ADCYAP1R1: variants seen among roughly 807,000 people sequenced by gnomAD.
The protein encoded by ADCYAP1R1 is pituitary adenylate cyclase-activating polypeptide type I receptor.
ADCYAP1R1 carries 44 observed loss-of-function variants against 67.6 expected under a neutral mutation model. The observed-to-expected ratio is 0.65, with a 90% CI of 0.51 to 0.84. The LOEUF (loss-of-function observed/expected upper bound fraction) is 0.84. ADCYAP1R1 is among the 40% of genes least tolerant of loss of function. The pLI is 0.00. For missense variants in ADCYAP1R1, 477 were observed against 587.9 expected (o/e 0.81, Z 1.95); for synonymous variants, 222 against 219.6 (o/e 1.01, Z -0.10).
chr7:31,067,050 A>T (rs1263879668), intron 3 of ADCYAP1R1, among the ~76,000 whole-genome samples: 4 of 152,206 alleles, frequency 2.6e-5, no homozygotes, highest in Non-Finnish European at 5.9e-5. Flanking sequence ...CTGAGCTGGC[A>T]TCTCTGCAAC....
intron 1 of ADCYAP1R1, among the ~76,000 whole-genome samples, chr7:31,054,478 C>T (rs768850370): frequency 1.3e-5 from 2 of 152,214 alleles, no homozygotes; most frequent in African/African-American, 2.4e-5. Flanking sequence ...GGCCACCTCT[C>T]TCTGTTGTGC....
intron 3 of ADCYAP1R1, among the ~76,000 whole-genome samples, chr7:31,077,429 G>A (rs563070164): frequency 7.2e-6 from 1 of 139,074 alleles, no homozygotes; most frequent in East Asian, 2.1e-4. Flanking sequence ...TGTGTGTGGT[G>A]TATATGTGTG....
intron 13 of ADCYAP1R1, among the ~76,000 whole-genome samples, chr7:31,094,264 G>GT (rs1796092753): frequency 6.6e-6 from 1 of 152,098 alleles, no homozygotes; most frequent in South Asian, 2.1e-4. Context: ...GCCCTGTGGG[G>GT]TGGGGGGCCA....
At chr7:31,066,057 A>T (rs1386402372) in intron 3 of ADCYAP1R1, among the ~76,000 whole-genome samples, 1 of 126,108 alleles carries the variant, frequency 7.9e-6, no homozygotes, top group Non-Finnish European at 1.6e-5. Context: ...TCGGGGCCCC[A>T]CCAGTGAGGG....
chr7:31,090,458 G>T (rs1795920612), intron 12 of ADCYAP1R1, among the ~76,000 whole-genome samples: 1 of 151,530 alleles, frequency 6.6e-6, no homozygotes, highest in African/African-American at 2.4e-5. Context: ...ACATGTGCAG[G>T]TTTGTTACAT....
At chr7:31,092,546 A>G in intron 12 of ADCYAP1R1, 98 bp from the exon 13 acceptor site, 1 of 852,666 alleles carries the variant, frequency 1.2e-6, no homozygotes, top group East Asian at 2.5e-5. Context: ...AGAAGTGTAG[A>G]TGGGATCTTG....
chr7:31,091,589 A>G (rs1562650109), intron 12 of ADCYAP1R1, among the ~76,000 whole-genome samples: 1 of 152,150 alleles, frequency 6.6e-6, no homozygotes, highest in Admixed American at 6.5e-5. Context: ...TAAATTTTGA[A>G]TATGGTGTAA....
At chr7:31,061,176 AG>A (rs1474335044) in intron 1 of ADCYAP1R1, among the ~76,000 whole-genome samples, 2 of 152,230 alleles carry the variant, frequency 1.3e-5, no homozygotes, top group Non-Finnish European at 2.9e-5. Flanking sequence ...CGGAAGGTGC[AG>A]GGAATCGACG....
In ADCYAP1R1 at chr7:31,103,232, G is replaced by A. The variant is rs760991128; in HGVS notation, c.1047-5G>A. Reference sequence around the variant, plus strand: ...CAGAGCAGATGTTTTGCTTTCCTCCGACAGGCGACTGGCCCGGTCCACCCT... The same window carrying A: ...CAGAGCAGATGTTTTGCTTTCCTCCAACAGGCGACTGGCCCGGTCCACCCT... On this transcript the variant is annotated splice_polypyrimidine_tract_variant and splice_region_variant and intron_variant, in intron 13 of 15. Transcript: ENST00000304166. 14 of 1,613,804 alleles carry A rather than the reference G, an allele frequency of 8.7e-6. No individual in the cohort carries two copies. The highest frequency in any genetic ancestry group is 4.5e-5 in the East Asian group (2 of 44,848).
At chr7:31,063,571 C>T (rs1584479839) in intron 2 of ADCYAP1R1, among the ~76,000 whole-genome samples, 1 of 151,876 alleles carries the variant, frequency 6.6e-6, no homozygotes, top group South Asian at 2.1e-4. Context: ...TTGCACAGTA[C>T]ACAACCTGCT....
chr7:31,103,173 C>T (rs1796504181), intron 13 of ADCYAP1R1, 64 bp from the exon 14 acceptor site: 1 of 1,586,054 alleles, frequency 6.3e-7, no homozygotes. Flanking sequence ...GTTCTCTGCC[C>T]TCCGTGGCTC....
intron 13 of ADCYAP1R1, chr7:31,095,710 C>A: frequency 1.4e-6 from 1 of 718,042 alleles, no homozygotes; most frequent in South Asian, 1.5e-5. Flanking sequence ...CCGAGAGGAC[C>A]CCCTGCCTGT....
At chr7:31,097,048 T>C (rs1367699403) in intron 13 of ADCYAP1R1, among the ~76,000 whole-genome samples, 2 of 152,204 alleles carry the variant, frequency 1.3e-5, no homozygotes, top group Admixed American at 1.3e-4. Flanking sequence ...CTGTGCTGGA[T>C]CCCCGGCTGA....
intron 1 of ADCYAP1R1, among the ~76,000 whole-genome samples, chr7:31,058,228 A>G (rs1267031939): frequency 1.3e-5 from 2 of 152,188 alleles, no homozygotes; most frequent in African/African-American, 4.8e-5. Context: ...TGGACAGTAC[A>G]GGGATGGCTG....
At position 31,102,544 on chromosome 7, in the gene ADCYAP1R1, C is replaced by G. The variant is rs1419100083; in HGVS notation, c.1047-693C>G. Among the ~76,000 whole-genome samples, 2 of 152,224 alleles carry G rather than the reference C, an allele frequency of 1.3e-5. No homozygotes were observed. Among genetic ancestry groups the G allele is most frequent in the Non-Finnish European group, 2.9e-5 (2 of 68,040 alleles). ...AGGAGAGCTGCCTCAGGAAGCACTG[C>G]AGTCCTCCGGCCCTTCCTCCCCTGC... On this transcript the variant is annotated intron_variant, in intron 13 of 15. Coordinates refer to ENST00000304166, the MANE Select transcript of ADCYAP1R1 (RefSeq NM_001118.5). The surrounding 1 kb of genome is among the most constrained non-coding windows in gnomAD (Gnocchi z 4.3).
intron 13 of ADCYAP1R1, among the ~76,000 whole-genome samples, chr7:31,098,152 T>C (rs1796281437): frequency 6.6e-6 from 1 of 152,184 alleles, no homozygotes; most frequent in Non-Finnish European, 1.5e-5. Flanking sequence ...TCCACCCGCC[T>C]CGGCCTCCCA....
At chr7:31,069,851 C>T (rs1209591309) in intron 3 of ADCYAP1R1, among the ~76,000 whole-genome samples, 1 of 152,150 alleles carries the variant, frequency 6.6e-6, no homozygotes, top group African/African-American at 2.4e-5. Flanking sequence ...TGGAGCCTGC[C>T]TTGCATTGTT....
chr7:31,063,819 A>T (rs1794614830), intron 2 of ADCYAP1R1, among the ~76,000 whole-genome samples: 1 of 152,212 alleles, frequency 6.6e-6, no homozygotes, highest in South Asian at 2.1e-4. Flanking sequence ...CCTGGGTACC[A>T]GTCCTGCCTC....
intron 7 of ADCYAP1R1, 95 bp from the exon 8 acceptor site, chr7:31,084,642 C>T: frequency 1.0e-6 from 1 of 1,002,672 alleles, no homozygotes. Flanking sequence ...TGGAGGTGGG[C>T]AGGCCCTGGC....
Sources: gnomAD v4.1 joint callset for allele counts (sites outside exome capture counted in the v4.1 genomes callset) on GRCh38, gnomAD v4.1.1 for gene constraint, Gnocchi (gnomAD v3.1) non-coding constraint, MANE v1.5 for transcripts, NCBI Gene and HGNC (gene_info 2026-07-23, HGNC 2026-07-21) for gene names.